AUTS2: variants seen among roughly 807,000 people sequenced by gnomAD.
The protein encoded by AUTS2 is activator of transcription and developmental regulator AUTS2, also known as autism susceptibility gene 2 protein.
In AUTS2, 17 loss-of-function variants were observed where a neutral mutation model predicts 112.4. The observed-to-expected ratio is 0.15, with a 90% CI of 0.10 to 0.23. The LOEUF is 0.23. Ranked by LOEUF, AUTS2 falls within the 10% of genes least tolerant of loss-of-function variation. The probability of loss-of-function intolerance (pLI) is 1.00; values close to 1 mark genes in which losing one functional copy is unlikely to be tolerated. For missense variants in AUTS2, 1,510 were observed against 1,701.6 expected (o/e 0.89, Z 1.98); for synonymous variants, 751 against 702.7 (o/e 1.07, Z -1.09).
At chr7:70,692,718 G>C (rs572900484) in intron 5 of AUTS2, among the ~76,000 whole-genome samples, 1 of 151,562 alleles carries the variant, frequency 6.6e-6, no homozygotes, top group Admixed American at 6.6e-5. Context: ...TCCAAACTTA[G>C]AGGCTAGAGG....
intron 1 of AUTS2, among the ~76,000 whole-genome samples, chr7:69,642,980 T>C (rs1794857731): frequency 6.6e-6 from 1 of 152,182 alleles, no homozygotes; most frequent in Admixed American, 6.5e-5. Context: ...GCAATCAAGA[T>C]GTTGTCCTGG....
intron 5 of AUTS2, among the ~76,000 whole-genome samples, chr7:70,553,424 G>A (rs1457435410): frequency 6.6e-6 from 1 of 152,200 alleles, no homozygotes; most frequent in African/African-American, 2.4e-5. Context: ...GACAGGCAGT[G>A]GAGGCATCAT....
At chr7:70,321,725 C>G (rs1391748493) in intron 4 of AUTS2, among the ~76,000 whole-genome samples, 1 of 152,098 alleles carries the variant, frequency 6.6e-6, no homozygotes, top group Non-Finnish European at 1.5e-5. Context: ...TGGGACATGT[C>G]TAAAGTGAAA....
intron 5 of AUTS2, among the ~76,000 whole-genome samples, chr7:70,650,765 A>G (rs1057430498): frequency 1.3e-5 from 2 of 151,318 alleles, no homozygotes; most frequent in South Asian, 2.1e-4. Context: ...ATTTTATCAG[A>G]TTCATTTTAC....
At chr7:69,960,912 TTTG>T (rs1797405059) in intron 2 of AUTS2, among the ~76,000 whole-genome samples, 1 of 152,062 alleles carries the variant, frequency 6.6e-6, no homozygotes, top group South Asian at 2.1e-4. Context: ...ACTTTTGGGA[TTTG>T]TTGTTTTATA....
chr7:69,671,965 A>G lies in AUTS2; in HGVS notation c.309+72003A>G, dbSNP rs370969518. Among the ~76,000 whole-genome samples, 327 of 152,248 alleles carry G rather than the reference A, an allele frequency of 2.1e-3. 20 individuals carry two copies. The South Asian group carries it at 0.065, about 30-fold the overall frequency. ...AGCCATGTTAAGGCTTCTGGGCAGA[A>G]ACATGCAAGGCAGGGTCTGAGGCAG... On this transcript the variant is annotated intron_variant, in intron 1 of 18. Transcript: ENST00000342771.
At chr7:70,361,476 G>C in intron 4 of AUTS2, among the ~76,000 whole-genome samples, 1 of 152,168 alleles carries the variant, frequency 6.6e-6, no homozygotes, top group East Asian at 1.9e-4. Flanking sequence ...TGTGATCTCC[G>C]GGCATGTGCT....
At chr7:70,768,102 A>G in intron 10 of AUTS2, 34 bp downstream of exon 10, 1 of 1,575,254 alleles carries the variant, frequency 6.3e-7, no homozygotes, top group Non-Finnish European at 8.6e-7. Flanking sequence ...CATTGAATGT[A>G]ACTGCTTTGC....
intron 1 of AUTS2, among the ~76,000 whole-genome samples, chr7:69,860,945 A>G (rs17140980): frequency 0.35 from 52,913 of 152,022 alleles, 9,681 homozygotes; most frequent in African/African-American, 0.46. Context: ...TAAATCAAAG[A>G]CCCATATTTC....
intron 1 of AUTS2, among the ~76,000 whole-genome samples, chr7:69,693,071 G>A (rs148345895): frequency 2.1e-4 from 32 of 152,208 alleles, no homozygotes; most frequent in African/African-American, 7.5e-4. Flanking sequence ...AGAGTGAGAG[G>A]TTTAGAGTTG....
intron 5 of AUTS2, among the ~76,000 whole-genome samples, chr7:70,678,980 A>G (rs1163226223): frequency 6.6e-6 from 1 of 152,180 alleles, no homozygotes; most frequent in African/African-American, 2.4e-5. Context: ...ATTGGCAACC[A>G]TGAGGAAAGC....
chr7:70,113,592 A>G (rs1805200779), intron 2 of AUTS2, among the ~76,000 whole-genome samples: 3 of 152,208 alleles, frequency 2.0e-5, no homozygotes, highest in African/African-American at 7.2e-5. Flanking sequence ...AGCAGTCTGA[A>G]AAAGGATATG....
At chr7:70,530,284 T>A (rs955017912) in intron 5 of AUTS2, among the ~76,000 whole-genome samples, 4 of 152,186 alleles carry the variant, frequency 2.6e-5, no homozygotes, top group African/African-American at 9.7e-5. Flanking sequence ...ATGAAGCTTA[T>A]GGTTCAAGTT....
At chr7:70,130,989 A>T (rs536853509) in intron 3 of AUTS2, among the ~76,000 whole-genome samples, 1 of 152,280 alleles carries the variant, frequency 6.6e-6, no homozygotes, top group South Asian at 2.1e-4. Flanking sequence ...AATGCTTTTG[A>T]AACCAAGGAA....
At chr7:69,753,870 G>C (rs1460082064) in intron 1 of AUTS2, among the ~76,000 whole-genome samples, 1 of 152,182 alleles carries the variant, frequency 6.6e-6, no homozygotes, top group Non-Finnish European at 1.5e-5. Flanking sequence ...TCTCAGACCA[G>C]CAGGCCATGC....
At chr7:70,257,600 G>A (rs1233272548) in intron 4 of AUTS2, among the ~76,000 whole-genome samples, 1 of 151,860 alleles carries the variant, frequency 6.6e-6, no homozygotes, top group Non-Finnish European at 1.5e-5. Context: ...TTACAGGTGT[G>A]AGCCACTGTG....
At chr7:70,112,992 G>A (rs561994493) in intron 2 of AUTS2, among the ~76,000 whole-genome samples, 3 of 151,752 alleles carry the variant, frequency 2.0e-5, no homozygotes, top group African/African-American at 7.2e-5. Context: ...TATTTTTAAC[G>A]TTTAAATTTT....
chr7:70,295,708 C>T (rs1009815667), intron 4 of AUTS2, among the ~76,000 whole-genome samples: 1 of 152,120 alleles, frequency 6.6e-6, no homozygotes, highest in East Asian at 1.9e-4. Context: ...TTCTCTTCTT[C>T]GTGAAACCTG....
At chr7:69,613,644 C>T (rs773883831) in intron 1 of AUTS2, among the ~76,000 whole-genome samples, 11 of 152,170 alleles carry the variant, frequency 7.2e-5, no homozygotes, top group Admixed American at 1.3e-4. Context: ...AGCATGCCCT[C>T]ACAGATTACT....
Sources: allele counts gnomAD v4.1 joint callset (sites outside exome capture counted in the v4.1 genomes callset), GRCh38; gene constraint gnomAD v4.1.1; transcripts MANE v1.5; gene names NCBI Gene and HGNC (gene_info 2026-07-23, HGNC 2026-07-21).